ZNF682: variants seen among roughly 807,000 people sequenced by gnomAD.
The protein encoded by ZNF682 is zinc finger protein 682.
ZNF682 carries 29 observed loss-of-function variants against 36.5 expected under a neutral mutation model. The observed-to-expected ratio is 0.80, with a 90% confidence interval of 0.59 to 1.08. ZNF682 has a LOEUF of 1.08. ZNF682 is among the 50% of genes least tolerant of loss of function. ZNF682 has a pLI of 0.00. For synonymous variants in ZNF682, 180 were observed against 197.0 expected (o/e 0.91, Z 0.72); for missense variants, 561 against 579.7 (o/e 0.97, Z 0.33).
At chr19:20,024,116 T>A in intron 2 of ZNF682, 134 bp downstream of exon 2, 1 of 1,063,534 alleles carries the variant, frequency 9.4e-7, no homozygotes, top group Non-Finnish European at 1.4e-6. Context: ...TCCCAACAAA[T>A]CCCCAAGTTT....
intron 1 of ZNF682, among the ~76,000 whole-genome samples, chr19:20,035,526 T>C (rs1599619822): frequency 1.3e-5 from 2 of 152,104 alleles, no homozygotes; most frequent in African/African-American, 4.8e-5. Flanking sequence ...ACCTGGCCTA[T>C]TTTCTTTTGA....
intron 1 of ZNF682, among the ~76,000 whole-genome samples, chr19:20,027,797 A>C (rs1224627156): frequency 7.6e-6 from 1 of 131,162 alleles, no homozygotes; most frequent in East Asian, 2.1e-4. Flanking sequence ...AAAAAAAAAA[A>C]CAAAGCCTGG....
At chr19:20,025,829 C>T (rs1394733906) in intron 1 of ZNF682, among the ~76,000 whole-genome samples, 2 of 152,054 alleles carry the variant, frequency 1.3e-5, no homozygotes, top group Non-Finnish European at 2.9e-5. Context: ...CATAAAGAAA[C>T]ATCTTTATGC....
At chr19:20,023,449 T>C (rs1048411213) in intron 2 of ZNF682, among the ~76,000 whole-genome samples, 1 of 151,840 alleles carries the variant, frequency 6.6e-6, no homozygotes, top group African/African-American at 2.4e-5. Flanking sequence ...TGAGCCAAGA[T>C]TGCGCCACTG....
At chr19:20,038,504 T>A (rs2088553846) in intron 1 of ZNF682, among the ~76,000 whole-genome samples, 1 of 152,088 alleles carries the variant, frequency 6.6e-6, no homozygotes, top group Admixed American at 6.5e-5. Context: ...GCTTTGAGAT[T>A]CTGTTTGTCA....
chr19:20,005,890 C>T lies in ZNF682; in HGVS notation c.*115G>A, dbSNP rs145357593. On this transcript the variant is annotated 3_prime_UTR_variant, in exon 4 of 4. Coordinates refer to ENST00000397165, the MANE Select transcript of ZNF682 (RefSeq NM_033196.3). The stretch of plus-strand genomic sequence containing the variant: ...TTGAAGACTTTCCCCACATTCTTCA[C>T]ATTTGTAGTGTTTCTCTCCAGTATG... 2.8e-4 allele frequency: 286 copies of T among 1,037,578 alleles called. No individual in the cohort carries two copies. The African/African-American group carries it at 4.3e-3, about 16-fold the overall frequency. The allele number at this position is 1,037,578 out of a possible 1,614,324, so 64.3% of individuals were successfully genotyped here.
intron 3 of ZNF682, among the ~76,000 whole-genome samples, chr19:20,010,551 C>T (rs941881583): frequency 2.6e-5 from 4 of 151,798 alleles, no homozygotes; most frequent in African/African-American, 7.3e-5. Flanking sequence ...CCCAGGTACT[C>T]GGGAGGCTGA....
rs1180629210 is a variant in ZNF682, at chr19:20,004,430, A to T, written c.*1575T>A. ...ATGCACAACTGTCTTAACACATTAA[A>T]AATAATTGTTTTATTGAAACTAAGT... is the stretch of plus-strand genomic sequence containing the variant. On this transcript the variant is annotated 3_prime_UTR_variant, in exon 4 of 4. Transcript: ENST00000397165. 6.6e-6 allele frequency: 1 copy of T among 152,220 alleles called. No individual in the cohort carries two copies. The highest frequency in any genetic ancestry group is 2.4e-5 in the African/African-American group (1 of 41,468). 9.4% of individuals were successfully genotyped at this position (152,220 alleles called of 1,614,324 possible).
chr19:19,996,113 A>G (rs1046848655), downstream of ZNF682, among the ~76,000 whole-genome samples: 1 of 152,228 alleles, frequency 6.6e-6, no homozygotes, highest in Non-Finnish European at 1.5e-5. Context: ...TGCTGCCTCA[A>G]GCTCTATGTC....
intron 2 of ZNF682, 89 bp downstream of exon 2, chr19:20,024,161 A>G: frequency 6.6e-7 from 1 of 1,504,144 alleles, no homozygotes; most frequent in Non-Finnish European, 9.2e-7. Context: ...TCATTTATAC[A>G]AAGCAGAAAT....
chr19:19,996,237 T>C (rs2088128377), downstream of ZNF682, among the ~76,000 whole-genome samples: 1 of 152,240 alleles, frequency 6.6e-6, no homozygotes, highest in South Asian at 2.1e-4. Flanking sequence ...GAGGAGCATA[T>C]GCTTCTGCAG....
At chr19:20,036,137 A>G (rs4563152) in intron 1 of ZNF682, among the ~76,000 whole-genome samples, 119,398 of 152,116 alleles carry the variant, frequency 0.78, 47,003 homozygotes, top group Middle Eastern at 0.87. Flanking sequence ...CAAGGTACAG[A>G]GCGTACTCTG....
At chr19:20,031,261 G>A (rs2088477313) in intron 1 of ZNF682, 1 of 152,248 alleles carries the variant, frequency 6.6e-6, no homozygotes, top group Non-Finnish European at 1.5e-5. Context: ...ACAGGTAGGT[G>A]TGGTTGTTAT....
intron 1 of ZNF682, among the ~76,000 whole-genome samples, chr19:20,027,574 A>C (rs144314287): frequency 7.9e-4 from 120 of 152,306 alleles, no homozygotes; most frequent in Non-Finnish European, 1.5e-3. Flanking sequence ...AGGCTGACCA[A>C]CATGGAGAAA....
chr19:20,029,416 C>A (rs1169084681), intron 1 of ZNF682, among the ~76,000 whole-genome samples: 1 of 151,056 alleles, frequency 6.6e-6, no homozygotes, highest in East Asian at 2.0e-4. Context: ...GCCTGGCCAA[C>A]ATCGTGAAAC....
intron 1 of ZNF682, among the ~76,000 whole-genome samples, chr19:20,032,064 C>T (rs1423810486): frequency 6.6e-6 from 1 of 152,118 alleles, no homozygotes; most frequent in African/African-American, 2.4e-5. Flanking sequence ...ATACATTGCT[C>T]AAAGGAGAAG....
intron 1 of ZNF682, among the ~76,000 whole-genome samples, chr19:20,029,064 C>T (rs1257509061): frequency 6.7e-6 from 1 of 149,514 alleles, no homozygotes; most frequent in Non-Finnish European, 1.5e-5. Context: ...CTGCAATTTC[C>T]ACCTCCCCAG....
intron 1 of ZNF682, among the ~76,000 whole-genome samples, chr19:20,028,440 G>A (rs1269911922): frequency 6.6e-6 from 1 of 152,094 alleles, no homozygotes; most frequent in Non-Finnish European, 1.5e-5. Flanking sequence ...TTGAACTCCT[G>A]ACCTCAGGTG....
downstream of ZNF682, among the ~76,000 whole-genome samples, chr19:20,000,444 A>C (rs2088159632): frequency 6.6e-6 from 1 of 152,248 alleles, no homozygotes; most frequent in Non-Finnish European, 1.5e-5. Flanking sequence ...AGGGCAACCC[A>C]GAACAGATCC....
Sources: allele counts gnomAD v4.1 joint callset (sites outside exome capture counted in the v4.1 genomes callset), GRCh38; gene constraint gnomAD v4.1.1; transcripts MANE v1.5; gene names NCBI Gene and HGNC (gene_info 2026-07-23, HGNC 2026-07-21).